The following MGMT variants were observed in gnomAD, a reference collection of about 807,000 sequenced individuals.
MGMT encodes O-6-methylguanine-DNA methyltransferase, also known as methylated-DNA--protein-cysteine methyltransferase.
A neutral mutation model predicts 15.9 loss-of-function variants in MGMT; 14 were observed. The observed-to-expected ratio is 0.88, with a 90% CI of 0.58 to 1.37. The LOEUF (loss-of-function observed/expected upper bound fraction) is 1.37. Among genes scored for constraint, MGMT ranks in the 40% most tolerant of loss-of-function variants. The probability of loss-of-function intolerance (pLI) is 0.00; values close to 1 mark genes in which losing one functional copy is unlikely to be tolerated. For synonymous variants in MGMT, 130 were observed against 118.2 expected, an observed-to-expected ratio of 1.10 and a Z score of -0.65; for missense variants, 282 against 268.1, an observed-to-expected ratio of 1.05 and a Z score of -0.36.
chr10:129,485,138 C>G (rs34220777), intron 1 of MGMT, among the ~76,000 whole-genome samples: 30,374 of 152,036 alleles, frequency 0.2, 3,154 homozygotes, highest in East Asian at 0.29. Flanking sequence ...TACTTCTGGG[C>G]ATCTTTCTTT....
At chr10:129,701,035 G>T (rs1011798589) in intron 2 of MGMT, 2 of 152,264 alleles carry the variant, frequency 1.3e-5, no homozygotes, top group South Asian at 2.1e-4. Flanking sequence ...AGGAGGTGGG[G>T]TGCTCACTAG....
At chr10:129,697,402 T>TA (rs1848044581) in intron 2 of MGMT, among the ~76,000 whole-genome samples, 1 of 152,198 alleles carries the variant, frequency 6.6e-6, no homozygotes, top group African/African-American at 2.4e-5. Context: ...TGCCCCAGAC[T>TA]AAGGTCTTTG....
intron 1 of MGMT, among the ~76,000 whole-genome samples, chr10:129,493,026 G>T (rs747860314): frequency 6.6e-6 from 1 of 152,204 alleles, no homozygotes; most frequent in Non-Finnish European, 1.5e-5. Context: ...CCTGTGGGTG[G>T]AGTGTGGGCT....
chr10:129,632,433 G>C (rs961845612), intron 2 of MGMT, among the ~76,000 whole-genome samples: 6 of 152,088 alleles, frequency 3.9e-5, no homozygotes, highest in African/African-American at 1.4e-4. Context: ...GGCCCAGCGA[G>C]ACTGAAGCGG....
At chr10:129,709,513 G>A (rs1848207018) in intron 3 of MGMT, among the ~76,000 whole-genome samples, 1 of 152,212 alleles carries the variant, frequency 6.6e-6, no homozygotes, top group African/African-American at 2.4e-5. Flanking sequence ...GCCAGGAGGA[G>A]CAAGGCTGAA....
chr10:129,659,359 G>GAAAAAA lies in MGMT; in HGVS notation c.126-48527_126-48522dup, dbSNP rs758707637. The stretch of plus-strand genomic sequence containing the variant: ...GTGGCAGAGCGAGACTCCCTGTGTG[G>GAAAAAA]AAAAAAAAAAAAAAGATACTCAGAT... On this transcript the variant is annotated intron_variant, in intron 2 of 4. Coordinates refer to ENST00000651593, the MANE Select transcript of MGMT (RefSeq NM_002412.5). This position sits in a 1 kb window ranked among gnomAD's most constrained non-coding sequence, Gnocchi z 4.1. Among the ~76,000 whole-genome samples the GAAAAAA allele has an allele frequency of 1.4e-5, 2 of 141,368 alleles. No individual in the cohort carries two copies. Among genetic ancestry groups the GAAAAAA allele is most frequent in the African/African-American group, 5.2e-5 (2 of 38,408 alleles). 92.7% of individuals were successfully genotyped at this position (141,368 alleles called of 152,430 possible). A position where few individuals can be genotyped will look rare whatever the true frequency, so the allele number is the denominator to read the frequency against.
intron 1 of MGMT, among the ~76,000 whole-genome samples, chr10:129,473,527 A>G (rs973735970): frequency 6.6e-6 from 1 of 152,206 alleles, no homozygotes; most frequent in Admixed American, 6.5e-5. Flanking sequence ...GGATAGAGGT[A>G]GAGTTTTGTT....
chr10:129,645,844 C>T (rs1321608502), intron 2 of MGMT, among the ~76,000 whole-genome samples: 1 of 152,202 alleles, frequency 6.6e-6, no homozygotes, highest in Admixed American at 6.5e-5. Flanking sequence ...GGTACTCTAG[C>T]ATCCATCCAG....
chr10:129,640,749 A>G (rs1357607777), intron 2 of MGMT, among the ~76,000 whole-genome samples: 2 of 152,230 alleles, frequency 1.3e-5, no homozygotes, highest in African/African-American at 4.8e-5. Context: ...CAGGAAATAT[A>G]TAAAGGATGA....
At chr10:129,477,900 CA>C (rs1463608026) in intron 1 of MGMT, among the ~76,000 whole-genome samples, 1 of 152,162 alleles carries the variant, frequency 6.6e-6, no homozygotes, top group African/African-American at 2.4e-5. Context: ...GACAGTGCTC[CA>C]AAAAGGCACT....
intron 2 of MGMT, among the ~76,000 whole-genome samples, chr10:129,549,183 T>A (rs921797362): frequency 4.6e-5 from 7 of 152,178 alleles, no homozygotes; most frequent in African/African-American, 1.7e-4. Flanking sequence ...GGTTGATCCA[T>A]TTCCTTCAGT....
intron 1 of MGMT, among the ~76,000 whole-genome samples, chr10:129,522,279 C>T (rs1041684859): frequency 6.6e-6 from 1 of 152,206 alleles, no homozygotes; most frequent in Non-Finnish European, 1.5e-5. Context: ...GCAGGGGTCA[C>T]AGGCTGGGAG....
At chr10:129,521,544 C>G (rs12256667) in intron 1 of MGMT, among the ~76,000 whole-genome samples, 37,738 of 152,024 alleles carry the variant, frequency 0.25, 5,608 homozygotes, top group African/African-American at 0.42. Flanking sequence ...GGGCTAGATT[C>G]AAACTGTATC....
At chr10:129,535,468 A>G (rs1845974657) in intron 1 of MGMT, among the ~76,000 whole-genome samples, 2 of 152,196 alleles carry the variant, frequency 1.3e-5, no homozygotes, top group Admixed American at 6.5e-5. Context: ...CCCAGGCTCT[A>G]TTCTTCAGCC....
intron 3 of MGMT, among the ~76,000 whole-genome samples, chr10:129,720,019 G>C (rs1346482180): frequency 6.6e-6 from 1 of 152,202 alleles, no homozygotes; most frequent in East Asian, 1.9e-4. Context: ...TTATTAGGAA[G>C]TGCTGCTCTT....
At chr10:129,704,056 G>T (rs557887122) in intron 2 of MGMT, among the ~76,000 whole-genome samples, 3 of 152,238 alleles carry the variant, frequency 2.0e-5, no homozygotes, top group Admixed American at 6.5e-5. Flanking sequence ...CCAGGGATCA[G>T]GACAGCAAAG....
At chr10:129,510,985 G>A (rs560447215) in intron 1 of MGMT, among the ~76,000 whole-genome samples, 161 of 148,288 alleles carry the variant, frequency 1.1e-3, no homozygotes, top group Non-Finnish European at 2.0e-3. Context: ...TGAGAACCCT[G>A]TATACCGTCC....
At chr10:129,660,007 G>A (rs7069414) in intron 2 of MGMT, among the ~76,000 whole-genome samples, 15,480 of 152,172 alleles carry the variant, frequency 0.1, 1,578 homozygotes, top group African/African-American at 0.26. Context: ...GGTCTTTGGT[G>A]CTTTTCTTCT....
intron 2 of MGMT, among the ~76,000 whole-genome samples, chr10:129,685,549 C>T (rs750240573): frequency 1.6e-4 from 25 of 152,170 alleles, no homozygotes; most frequent in Non-Finnish European, 3.2e-4. Flanking sequence ...GGGGCCCTTT[C>T]GGCTCAGCCC....
Sources: allele counts gnomAD v4.1 joint callset (sites outside exome capture counted in the v4.1 genomes callset), GRCh38; gene constraint gnomAD v4.1.1; non-coding constraint Gnocchi (gnomAD v3.1); transcripts MANE v1.5; gene names NCBI Gene and HGNC (gene_info 2026-07-23, HGNC 2026-07-21).